The following HS6ST2 variants were observed in gnomAD, a reference collection of about 807,000 sequenced individuals.
HS6ST2 encodes the protein heparan-sulfate 6-O-sulfotransferase 2.
A neutral mutation model predicts 33.0 loss-of-function variants in HS6ST2; 17 were observed. That is an observed-to-expected ratio of 0.52 (90% CI 0.35 to 0.77). HS6ST2 has a LOEUF of 0.77. HS6ST2 is among the 30% of genes least tolerant of loss of function. The probability of loss-of-function intolerance (pLI) is 0.01; values close to 1 mark genes in which losing one functional copy is unlikely to be tolerated. For synonymous variants in HS6ST2, 248 were observed against 237.1 expected (o/e 1.05, Z -0.42); for missense variants, 519 against 551.7 (o/e 0.94, Z 0.59).
intron 2 of HS6ST2, among the ~76,000 whole-genome samples, chrX:132,931,603 A>T (rs1169120415): frequency 9.0e-6 from 1 of 111,642 alleles, no homozygotes; most frequent in African/African-American, 3.3e-5. Context: ...CTTGCCTCCA[A>T]CTCCAAAGCA....
intron 2 of HS6ST2, among the ~76,000 whole-genome samples, chrX:132,852,154 G>T (rs1366932490): frequency 1.8e-5 from 2 of 111,065 alleles, no homozygotes; most frequent in Non-Finnish European, 3.8e-5. Context: ...AAAAAAGAGA[G>T]AAATTTGTGA....
intron 2 of HS6ST2, among the ~76,000 whole-genome samples, chrX:132,838,320 C>T (rs750282068): frequency 4.5e-5 from 5 of 111,372 alleles, no homozygotes; most frequent in South Asian, 3.8e-4. Context: ...AGGAACCATC[C>T]GCTGGTTGCC....
At chrX:132,794,555 G>GGATGATGATGATGATGATGAT (rs111313658) in intron 2 of HS6ST2, among the ~76,000 whole-genome samples, 5 of 92,277 alleles carry the variant, frequency 5.4e-5, no homozygotes, top group African/African-American at 2.1e-4. Context: ...CACCACTCCT[G>GGATGATGATGATGATGATGAT]GATGATGATG....
intron 4 of HS6ST2, among the ~76,000 whole-genome samples, chrX:132,637,747 AAT>A (rs1188784351): frequency 1.0e-4 from 8 of 78,583 alleles, no homozygotes; most frequent in East Asian, 7.4e-4. Context: ...ATATATAAAA[AAT>A]ATATATATAA....
At chrX:132,773,709 G>T (rs1042318946) in intron 2 of HS6ST2, among the ~76,000 whole-genome samples, 2 of 112,207 alleles carry the variant, frequency 1.8e-5, no homozygotes, top group East Asian at 5.6e-4. Flanking sequence ...TTAGCTAAAT[G>T]AAAAAAGCCA....
chrX:132,893,067 G>T, intron 2 of HS6ST2, among the ~76,000 whole-genome samples: 1 of 111,911 alleles, frequency 8.9e-6, no homozygotes, highest in East Asian at 2.8e-4. Flanking sequence ...CATAAATGTG[G>T]AACCCACGGA....
At chrX:132,833,741 A>G (rs968954754) in intron 2 of HS6ST2, among the ~76,000 whole-genome samples, 1 of 109,745 alleles carries the variant, frequency 9.1e-6, no homozygotes, top group Non-Finnish European at 1.9e-5. Context: ...TGGAGGGAAC[A>G]TAAGTTTTCA....
At chrX:132,945,592 C>T (rs910400940) in intron 2 of HS6ST2, among the ~76,000 whole-genome samples, 1 of 110,199 alleles carries the variant, frequency 9.1e-6, no homozygotes, top group Admixed American at 9.7e-5. Context: ...ATAGCAAAGA[C>T]CTGGAACCAA....
Position 132,911,006 on chromosome X carries a change from C to T in HS6ST2, c.947+45802G>A, listed in dbSNP as rs754772134. On this transcript the variant is annotated intron_variant, in intron 2 of 4. Transcript: ENST00000370833. ...CTCTACTAAAAATACAAAAATTAGCCGGGTGTGGTGGCACATGCCTGTAAT... is the reference window on the plus strand; with the variant it reads ...CTCTACTAAAAATACAAAAATTAGCTGGGTGTGGTGGCACATGCCTGTAAT... Among the ~76,000 whole-genome samples, 53 of 110,625 alleles carry T rather than the reference C, an allele frequency of 4.8e-4. No individual in the cohort carries two copies. The East Asian group carries it at 0.014, about 30-fold the overall frequency.
chrX:132,740,079 T>C (rs748181677), intron 2 of HS6ST2, among the ~76,000 whole-genome samples: 1 of 111,914 alleles, frequency 8.9e-6, no homozygotes, highest in South Asian at 3.7e-4. Context: ...TGTCAACATG[T>C]TCTCCATAAA....
chrX:132,952,711 A>G (rs1030261091), intron 2 of HS6ST2, among the ~76,000 whole-genome samples: 5 of 111,315 alleles, frequency 4.5e-5, no homozygotes, highest in Admixed American at 3.8e-4. Context: ...ATGCTACTGG[A>G]TTTGAGATGA....
intron 3 of HS6ST2, among the ~76,000 whole-genome samples, chrX:132,695,083 C>T (rs1436364702): frequency 1.8e-5 from 2 of 110,832 alleles, no homozygotes; most frequent in Non-Finnish European, 1.9e-5. Context: ...GAAGCCAAGC[C>T]TCTCTTGTGT....
At chrX:132,947,341 C>A (rs2148501140) in intron 2 of HS6ST2, among the ~76,000 whole-genome samples, 1 of 109,543 alleles carries the variant, frequency 9.1e-6, no homozygotes, top group East Asian at 2.8e-4. Flanking sequence ...TCCTCTGTAT[C>A]CTTATTCATT....
intron 2 of HS6ST2, among the ~76,000 whole-genome samples, chrX:132,916,710 A>C (rs1418876039): frequency 9.0e-6 from 1 of 111,569 alleles, no homozygotes; most frequent in Non-Finnish European, 1.9e-5. Context: ...CGGATTCTTC[A>C]GCTTTTGGAG....
chrX:132,786,368 T>G (rs919617682), intron 2 of HS6ST2, among the ~76,000 whole-genome samples: 4 of 111,128 alleles, frequency 3.6e-5, no homozygotes, highest in Non-Finnish European at 5.7e-5. Context: ...TGTGGCATAA[T>G]TGGGGAATGA....
chrX:132,848,092 G>C (rs2065769371), intron 2 of HS6ST2, among the ~76,000 whole-genome samples: 1 of 112,110 alleles, frequency 8.9e-6, no homozygotes, highest in Non-Finnish European at 1.9e-5. Flanking sequence ...ATTCTAATGA[G>C]TAAGTAAACG....
chrX:132,736,300 A>G (rs2064510317), intron 2 of HS6ST2, among the ~76,000 whole-genome samples: 1 of 111,971 alleles, frequency 8.9e-6, no homozygotes, highest in Non-Finnish European at 1.9e-5. Flanking sequence ...CAAAGGTCTT[A>G]AGAATAGCCC....
intron 2 of HS6ST2, among the ~76,000 whole-genome samples, chrX:132,923,203 C>A (rs917441382): frequency 4.5e-5 from 5 of 110,868 alleles, no homozygotes; most frequent in Non-Finnish European, 9.4e-5. Flanking sequence ...CAGAGGAAGT[C>A]TCCAGGTAGG....
At chrX:132,829,130 T>G (rs905876244) in intron 2 of HS6ST2, among the ~76,000 whole-genome samples, 3 of 96,960 alleles carry the variant, frequency 3.1e-5, no homozygotes, top group Admixed American at 1.1e-4. Flanking sequence ...ATATCTAAGC[T>G]GGAAAGTATC....
Sources: gnomAD v4.1 joint callset for allele counts (sites outside exome capture counted in the v4.1 genomes callset) on GRCh38, gnomAD v4.1.1 for gene constraint, MANE v1.5 for transcripts, NCBI Gene and HGNC (gene_info 2026-07-23, HGNC 2026-07-21) for gene names.